TPRG1: variants seen among roughly 807,000 people sequenced by gnomAD.
TPRG1 encodes tumor protein p63 regulated 1.
TPRG1 carries 29 observed loss-of-function variants against 29.3 expected under a neutral mutation model. The ratio of observed to expected loss-of-function variants is 0.99; its 90% confidence interval spans 0.74 to 1.35. The LOEUF is 1.35. Ranked by LOEUF, TPRG1 falls within the 40% of genes most tolerant of loss-of-function variation. The probability of loss-of-function intolerance (pLI) is 0.00; values close to 1 mark genes in which losing one functional copy is unlikely to be tolerated. For missense variants in TPRG1, 327 were observed against 335.0 expected (o/e 0.98, Z 0.19); for synonymous variants, 130 against 116.8 (o/e 1.11, Z -0.73).
chr3:189,188,181 A>C (rs1353525688), intron 1 of TPRG1, among the ~76,000 whole-genome samples: 1 of 152,266 alleles, frequency 6.6e-6, no homozygotes, highest in Admixed American at 6.5e-5. Flanking sequence ...GAACAGATGC[A>C]TTTCAAGAAA....
intron 4 of TPRG1, among the ~76,000 whole-genome samples, chr3:189,084,923 C>T (rs1034183380): frequency 2.0e-5 from 3 of 152,164 alleles, no homozygotes; most frequent in Non-Finnish European, 2.9e-5. Context: ...TCTCTTGCCC[C>T]AGAAATAGTA....
chr3:189,180,069 C>A (rs1408703436), intron 1 of TPRG1, among the ~76,000 whole-genome samples: 1 of 152,144 alleles, frequency 6.6e-6, no homozygotes, highest in Non-Finnish European at 1.5e-5. Context: ...AGAGTTTTTG[C>A]AGGGGAATTC....
At chr3:189,013,945 G>A (rs926070043) in intron 3 of TPRG1, among the ~76,000 whole-genome samples, 2 of 152,084 alleles carry the variant, frequency 1.3e-5, no homozygotes, top group African/African-American at 4.8e-5. Flanking sequence ...GTGGGTGTTG[G>A]TTCTTTATCC....
intron 1 of TPRG1, among the ~76,000 whole-genome samples, chr3:189,126,470 C>G (rs1240756598): frequency 6.6e-6 from 1 of 152,162 alleles, no homozygotes; most frequent in Non-Finnish European, 1.5e-5. Flanking sequence ...GGAAAAAATA[C>G]CTGCCTTATT....
At position 189,262,634 on chromosome 3, in the gene TPRG1, A is replaced by T. The variant is rs550216171; in HGVS notation, c.479+23725A>T. ...GGAAAGCACTTTGAAGGAGAGTTAT[A>T]TGGGGTGTGCGAATTATCAATTGCT... is the stretch of plus-strand genomic sequence containing the variant. On this transcript the variant is annotated intron_variant, in intron 4 of 5. Transcript: ENST00000345063. Among the ~76,000 whole-genome samples the T allele has an allele frequency of 2.2e-4, 33 of 152,314 alleles. 1 individual carries two copies. The highest frequency in any genetic ancestry group is 7.9e-4 in the African/African-American group (33 of 41,572).
intron 3 of TPRG1, among the ~76,000 whole-genome samples, chr3:189,235,281 C>A (rs1389636079): frequency 1.4e-5 from 2 of 145,214 alleles, no homozygotes; most frequent in Non-Finnish European, 3.0e-5. Context: ...TGGAAGGCAG[C>A]AAGAGTATAT....
chr3:189,262,641 G>A (rs1478855992), intron 4 of TPRG1, among the ~76,000 whole-genome samples: 1 of 152,190 alleles, frequency 6.6e-6, no homozygotes, highest in Non-Finnish European at 1.5e-5. Flanking sequence ...TATATGGGGT[G>A]TGCGAATTAT....
At chr3:189,182,114 G>C (rs928896110) in intron 1 of TPRG1, among the ~76,000 whole-genome samples, 1 of 152,146 alleles carries the variant, frequency 6.6e-6, no homozygotes, top group African/African-American at 2.4e-5. Context: ...CAACACATGG[G>C]AATTCAAGAT....
At chr3:189,205,961 T>C (rs116605006) in intron 1 of TPRG1, among the ~76,000 whole-genome samples, 4,196 of 150,692 alleles carry the variant, frequency 0.028, 82 homozygotes, top group Non-Finnish European at 0.042. Flanking sequence ...TTAGACATTT[T>C]TAAATCTGTT....
intron 1 of TPRG1, among the ~76,000 whole-genome samples, chr3:189,202,793 C>T (rs1733707835): frequency 6.6e-6 from 1 of 152,144 alleles, no homozygotes; most frequent in African/African-American, 2.4e-5. Flanking sequence ...ACTGCTGATG[C>T]ACGGGAAGCT....
At chr3:189,118,461 T>C (rs1721434918) in intron 1 of TPRG1, among the ~76,000 whole-genome samples, 1 of 151,452 alleles carries the variant, frequency 6.6e-6, no homozygotes, top group African/African-American at 2.4e-5. Flanking sequence ...TATCAAGGAG[T>C]CAAATATTGA....
intron 4 of TPRG1, among the ~76,000 whole-genome samples, chr3:189,062,595 A>G (rs1380771051): frequency 1.3e-5 from 2 of 152,134 alleles, no homozygotes; most frequent in Non-Finnish European, 2.9e-5. Flanking sequence ...TTCTCTTACC[A>G]TCTGACATTC....
At chr3:189,201,262 C>T (rs980159636) in intron 1 of TPRG1, among the ~76,000 whole-genome samples, 2 of 152,152 alleles carry the variant, frequency 1.3e-5, no homozygotes, top group African/African-American at 4.8e-5. Context: ...CTTTTCTTCC[C>T]AAGGGTTCAC....
At chr3:189,019,414 C>T (rs1713158564) in intron 3 of TPRG1, among the ~76,000 whole-genome samples, 1 of 152,096 alleles carries the variant, frequency 6.6e-6, no homozygotes, top group African/African-American at 2.4e-5. Flanking sequence ...CCATCAATAC[C>T]TAATTTATTG....
At chr3:189,066,656 A>G in intron 4 of TPRG1, among the ~76,000 whole-genome samples, 1 of 151,984 alleles carries the variant, frequency 6.6e-6, no homozygotes, top group East Asian at 1.9e-4. Flanking sequence ...AACTGGCTAT[A>G]GAAGAAACAT....
At chr3:189,184,248 G>A (rs1214356857) in intron 1 of TPRG1, among the ~76,000 whole-genome samples, 1 of 152,132 alleles carries the variant, frequency 6.6e-6, no homozygotes, top group Non-Finnish European at 1.5e-5. Context: ...GATAATTAGA[G>A]TACCTGAACC....
chr3:189,202,687 A>T (rs1460399958), intron 1 of TPRG1, among the ~76,000 whole-genome samples: 1 of 152,144 alleles, frequency 6.6e-6, no homozygotes, highest in Non-Finnish European at 1.5e-5. Context: ...AGTTTTGTGA[A>T]CCTCAGGCAC....
chr3:189,081,797 G>T (rs528442403), intron 4 of TPRG1, among the ~76,000 whole-genome samples: 2 of 152,004 alleles, frequency 1.3e-5, no homozygotes, highest in African/African-American at 4.8e-5. Flanking sequence ...ATAGCATGTC[G>T]TAGTACCTCT....
chr3:189,174,982 T>C (rs544929865), intron 1 of TPRG1, among the ~76,000 whole-genome samples: 2 of 152,316 alleles, frequency 1.3e-5, no homozygotes, highest in African/African-American at 4.8e-5. Flanking sequence ...TGATATGTTT[T>C]CTCTTATTCA....
Sources: allele counts gnomAD v4.1 joint callset (sites outside exome capture counted in the v4.1 genomes callset), GRCh38; gene constraint gnomAD v4.1.1; transcripts MANE v1.5; gene names NCBI Gene and HGNC (gene_info 2026-07-23, HGNC 2026-07-21).